The following FRAS1 variants were observed in gnomAD, a reference collection of about 807,000 sequenced individuals.
FRAS1 encodes the protein Fraser extracellular matrix complex subunit 1.
In FRAS1, 290 loss-of-function variants were observed where a neutral mutation model predicts 435.2. That is an observed-to-expected ratio of 0.67 (90% CI 0.61 to 0.73). FRAS1 has a LOEUF of 0.73. Among genes scored for constraint, FRAS1 ranks in the 30% least tolerant of loss-of-function variants. The pLI, the probability that FRAS1 is intolerant of heterozygous loss-of-function variation, is 0.00. For synonymous variants in FRAS1, 1,800 were observed against 1,851.0 expected (o/e 0.97, Z 0.71); for missense variants, 4,860 against 5,001.5 (o/e 0.97, Z 0.85).
At chr4:78,503,753 A>T (rs1720748495) in intron 61 of FRAS1, among the ~76,000 whole-genome samples, 1 of 151,816 alleles carries the variant, frequency 6.6e-6, no homozygotes, top group Non-Finnish European at 1.5e-5. Flanking sequence ...TTGCCTTTTG[A>T]TGGCTTGTGA....
intron 2 of FRAS1, among the ~76,000 whole-genome samples, chr4:78,146,046 T>G (rs961289975): frequency 6.6e-6 from 1 of 152,156 alleles, no homozygotes; most frequent in Non-Finnish European, 1.5e-5. Context: ...TTACCCAGTC[T>G]CAGGTATTTC....
Position 78,473,535 on chromosome 4 carries a change from C to T in FRAS1, c.7620C>T (p.Pro2540=). Residue 2540 remains proline, a synonymous_variant, in exon 53 of 74, where the codon CCC becomes CCT. Coordinates refer to ENST00000512123, the MANE Select transcript of FRAS1 (RefSeq NM_025074.7). ...AGTTTCTGGTGAAAGACAGTAAACC[C>T]AATGTGGTCAGCGACAATGTCTTCC... ...SFQFLVKDSK[P]NVVSDNVFHI... 2 of 1,612,800 alleles carry T rather than the reference C, an allele frequency of 1.2e-6. No individual in the cohort carries two copies. Among genetic ancestry groups the T allele is most frequent in the Non-Finnish European group, 1.7e-6 (2 of 1,179,286 alleles).
chr4:78,535,803 C>T (rs1721862751), intron 71 of FRAS1, among the ~76,000 whole-genome samples: 1 of 152,216 alleles, frequency 6.6e-6, no homozygotes, highest in Non-Finnish European at 1.5e-5. Flanking sequence ...TTAAAACCCT[C>T]CAGTGTTTCT....
intron 70 of FRAS1, among the ~76,000 whole-genome samples, chr4:78,529,310 T>A (rs1198345093): frequency 1.3e-5 from 2 of 152,132 alleles, no homozygotes; most frequent in Non-Finnish European, 2.9e-5. Context: ...TGCTGGGGAA[T>A]TTTAATTCAT....
At chr4:78,385,367 G>T (rs2110327161) in intron 28 of FRAS1, among the ~76,000 whole-genome samples, 1 of 152,260 alleles carries the variant, frequency 6.6e-6, no homozygotes, top group East Asian at 1.9e-4. Context: ...CTAGATGATT[G>T]TTTTTCATCT....
chr4:78,331,294 G>A (rs1392351212), intron 18 of FRAS1, among the ~76,000 whole-genome samples: 3 of 152,038 alleles, frequency 2.0e-5, no homozygotes, highest in South Asian at 2.1e-4. Flanking sequence ...GTAAGGCAGG[G>A]GCACTGCCCA....
chr4:78,267,242 G>T lies in FRAS1; in HGVS notation c.791G>T (p.Gly264Val), dbSNP rs1373737105. Residue 264 changes from glycine to valine, a missense_variant and splice_region_variant, in exon 9 of 74, where the codon GGT becomes GTT. Gly to Val is a moderately radical substitution (Grantham distance 109, BLOSUM62 -3). Coordinates refer to ENST00000512123, the MANE Select transcript of FRAS1 (RefSeq NM_025074.7). Reference protein sequence around the residue: ...QACLPLRCGKGQSRARRHGQC... With the variant: ...QACLPLRCGKVQSRARRHGQC... ...CTCACCTTCCTCTCTGTGTCCTAGG[G>T]TCAGAGCAGGGCTCGGCGTCATGGG... 1 of 1,613,256 alleles carries T rather than the reference G, an allele frequency of 6.2e-7. No individual in the cohort carries two copies. The highest frequency in any genetic ancestry group is 8.5e-7 in the Non-Finnish European group (1 of 1,179,678).
chr4:78,070,026 C>A (rs1009974847), intron 2 of FRAS1, among the ~76,000 whole-genome samples: 11 of 152,046 alleles, frequency 7.2e-5, no homozygotes, highest in African/African-American at 2.7e-4. Context: ...CTCCCTGCCG[C>A]AACTGCCATG....
chr4:78,365,166 T>C (rs1731215499), intron 22 of FRAS1, among the ~76,000 whole-genome samples: 1 of 152,204 alleles, frequency 6.6e-6, no homozygotes, highest in Non-Finnish European at 1.5e-5. Context: ...GATAGGAAGA[T>C]AGATATTACT....
At chr4:78,414,287 T>C (rs1733464918) in intron 32 of FRAS1, among the ~76,000 whole-genome samples, 1 of 152,188 alleles carries the variant, frequency 6.6e-6, no homozygotes, top group African/African-American at 2.4e-5. Context: ...CAAATGCTAA[T>C]GCAGTGTTAT....
chr4:78,452,819 G>A (rs1719066220), intron 47 of FRAS1, among the ~76,000 whole-genome samples: 1 of 152,172 alleles, frequency 6.6e-6, no homozygotes, highest in Admixed American at 6.5e-5. Context: ...GTTCTCTATT[G>A]GGTAAAATAA....
intron 2 of FRAS1, among the ~76,000 whole-genome samples, chr4:78,151,477 C>T (rs993579105): frequency 6.6e-6 from 1 of 152,128 alleles, no homozygotes; most frequent in Admixed American, 6.6e-5. Context: ...TGAAAAGTCA[C>T]TTGCCCCACT....
At chr4:78,176,949 T>A (rs749177579) in intron 2 of FRAS1, among the ~76,000 whole-genome samples, 1 of 152,238 alleles carries the variant, frequency 6.6e-6, no homozygotes, top group Non-Finnish European at 1.5e-5. Context: ...CATCAAAACA[T>A]CACAGGGACC....
chr4:78,228,079 C>T (rs554715598), intron 2 of FRAS1, among the ~76,000 whole-genome samples: 2 of 152,188 alleles, frequency 1.3e-5, no homozygotes, highest in African/African-American at 2.4e-5. Context: ...TGATAATGAT[C>T]TAGTGGAGGA....
At chr4:78,091,933 G>A (rs1741545490) in intron 2 of FRAS1, among the ~76,000 whole-genome samples, 1 of 130,834 alleles carries the variant, frequency 7.6e-6, no homozygotes, top group African/African-American at 2.9e-5. Context: ...GATCGGTTGA[G>A]TCCAGAAGTT....
At chr4:78,505,619 GCCATTCGTCTAC>G (rs1454419475) in intron 61 of FRAS1, among the ~76,000 whole-genome samples, 1 of 152,118 alleles carries the variant, frequency 6.6e-6, no homozygotes, top group Non-Finnish European at 1.5e-5. Flanking sequence ...ATTCTAGTTA[GCCATTCGTCTAC>G]CCTTTTTTCA....
chr4:78,215,780 CAG>C (rs1243669396), intron 2 of FRAS1, among the ~76,000 whole-genome samples: 1 of 152,224 alleles, frequency 6.6e-6, no homozygotes, highest in Non-Finnish European at 1.5e-5. Flanking sequence ...GAGCATATAT[CAG>C]AGTTTTCCTT....
At chr4:78,482,028 T>C in intron 57 of FRAS1, 64 bp downstream of exon 57, 1 of 1,532,520 alleles carries the variant, frequency 6.5e-7, no homozygotes, top group Non-Finnish European at 8.9e-7. Flanking sequence ...TTGTCTTTAG[T>C]TTGCTTCCCA....
At chr4:78,533,145 T>A (rs1240249953) in intron 70 of FRAS1, among the ~76,000 whole-genome samples, 2 of 152,266 alleles carry the variant, frequency 1.3e-5, no homozygotes. Context: ...GCATTACCCT[T>A]TCTCTGCCTA....
Sources: allele counts gnomAD v4.1 joint callset (sites outside exome capture counted in the v4.1 genomes callset), GRCh38; gene constraint gnomAD v4.1.1; transcripts MANE v1.5; gene names NCBI Gene and HGNC (gene_info 2026-07-23, HGNC 2026-07-21).